CELF4: variants seen among roughly 807,000 people sequenced by gnomAD.
CELF4 encodes CUGBP Elav-like family member 4.
CELF4 carries 18 observed loss-of-function variants against 59.9 expected under a neutral mutation model. That is an observed-to-expected ratio of 0.30 (90% confidence interval 0.21 to 0.45). The LOEUF is 0.45. Ranked by LOEUF, CELF4 falls within the 20% of genes least tolerant of loss-of-function variation. CELF4 has a pLI of 1.00. For synonymous variants in CELF4, 261 were observed against 267.1 expected (o/e 0.98, Z 0.22); for missense variants, 456 against 689.0 (o/e 0.66, Z 3.79).
chr18:37,342,711 C>A (rs542475596), intron 2 of CELF4, among the ~76,000 whole-genome samples: 2 of 152,210 alleles, frequency 1.3e-5, no homozygotes, highest in South Asian at 2.1e-4. Context: ...AACCTCCATG[C>A]CTCCATGTGG....
intron 1 of CELF4, among the ~76,000 whole-genome samples, chr18:37,528,006 C>T (rs2099965731): frequency 6.6e-6 from 1 of 152,186 alleles, no homozygotes; most frequent in Non-Finnish European, 1.5e-5. Context: ...TTGGTAGATA[C>T]TTAAAATCAC....
chr18:37,315,807 A>T (rs2096849172), intron 3 of CELF4, among the ~76,000 whole-genome samples: 1 of 152,144 alleles, frequency 6.6e-6, no homozygotes, highest in Admixed American at 6.5e-5. Flanking sequence ...CCCCTCCTTC[A>T]GGGCCCCTGT....
At chr18:37,295,174 T>C (rs2095567486) in intron 3 of CELF4, among the ~76,000 whole-genome samples, 1 of 152,196 alleles carries the variant, frequency 6.6e-6, no homozygotes, top group Non-Finnish European at 1.5e-5. Flanking sequence ...CTCTCCTGGA[T>C]GCTGGCTTGG....
In CELF4 at chr18:37,270,832, G is replaced by C. The variant is rs775605882; in HGVS notation, c.1035C>G (p.Pro345=). The C allele has an allele frequency of 6.2e-7, 1 of 1,613,938 alleles. No individual in the cohort carries two copies. Among genetic ancestry groups the C allele is most frequent in the Non-Finnish European group, 8.5e-7 (1 of 1,179,976 alleles). Reference sequence around the variant, plus strand: ...CAGCAGGTTGCCCATTGGCCTGTGGGGGGAGGCCGGTGAAGCCATTCACCC... The same window carrying C: ...CAGCAGGTTGCCCATTGGCCTGTGGCGGGAGGCCGGTGAAGCCATTCACCC... ...PIGVNGFTGL[P]PQANGQPAAE... Residue 345 remains proline (P), a synonymous_variant, in exon 8 of 13, where the codon CCC becomes CCG. Transcript: ENST00000420428.
intron 10 of CELF4, among the ~76,000 whole-genome samples, chr18:37,262,981 C>T (rs1309026973): frequency 6.6e-6 from 1 of 152,128 alleles, no homozygotes; most frequent in Non-Finnish European, 1.5e-5. Flanking sequence ...AGCCCTGATG[C>T]CCCTGATCTC....
intron 2 of CELF4, among the ~76,000 whole-genome samples, chr18:37,376,253 T>C (rs1400894473): frequency 6.6e-6 from 1 of 152,120 alleles, no homozygotes; most frequent in Non-Finnish European, 1.5e-5. Context: ...TTGGGCCATC[T>C]ACCTTTCAAG....
rs4494625 is a variant in CELF4, at chr18:37,298,618, C to T, written c.448+23185G>A. ...GGTGGCACACACCTCCCAGCTACTC[C>T]GGAGGCTGAGGCAGGAGAATCGCTT... is the stretch of plus-strand genomic sequence containing the variant. On this transcript the variant is annotated intron_variant, in intron 3 of 12. Coordinates refer to ENST00000420428, the MANE Select transcript of CELF4 (RefSeq NM_020180.4). 4.6e-5 allele frequency among the ~76,000 whole-genome samples: 7 copies of T among 151,696 alleles called. No homozygotes were observed. The East Asian group carries it at 9.8e-4, about 21-fold the overall frequency.
chr18:37,550,086 G>GGT (rs796196821), intron 1 of CELF4, among the ~76,000 whole-genome samples: 3 of 127,488 alleles, frequency 2.4e-5, no homozygotes, highest in South Asian at 3.5e-4. Context: ...CAATGGGTGG[G>GGT]GGGGGGGGAT....
intron 10 of CELF4, among the ~76,000 whole-genome samples, chr18:37,261,096 C>A (rs1324347995): frequency 1.3e-5 from 2 of 152,054 alleles, no homozygotes; most frequent in Non-Finnish European, 2.9e-5. Flanking sequence ...CCTCCAGCCT[C>A]TCCCTGCTCA....
chr18:37,556,122 T>C (rs550301005), intron 1 of CELF4, among the ~76,000 whole-genome samples: 6 of 152,342 alleles, frequency 3.9e-5, no homozygotes, highest in Non-Finnish European at 8.8e-5. Flanking sequence ...CTCCGAGGAC[T>C]TGCGCAAGGA....
rs140915291 is a variant in CELF4 at position 37,420,208 on chromosome 18, A to G, written c.369+65317T>C. ...TCTGATAGCAGGCAGCAGCTGGGAG[A>G]GGCAGTGTGGCCTCATGGTTAGGGT... On this transcript the variant is annotated intron_variant, in intron 2 of 12. Transcript: ENST00000420428. 2.0e-5 allele frequency among the ~76,000 whole-genome samples: 3 copies of G among 152,274 alleles called. No homozygotes were observed. The East Asian group carries it at 5.8e-4, about 29-fold the overall frequency.
At chr18:37,257,101 T>C (rs1297423691) in intron 11 of CELF4, among the ~76,000 whole-genome samples, 1 of 151,614 alleles carries the variant, frequency 6.6e-6, no homozygotes, top group Non-Finnish European at 1.5e-5. Context: ...AAAACTGTAG[T>C]CCTGGCTAAT....
intron 2 of CELF4, among the ~76,000 whole-genome samples, chr18:37,359,374 C>T (rs947057259): frequency 6.6e-6 from 1 of 152,212 alleles, no homozygotes; most frequent in South Asian, 2.1e-4. Context: ...AAGGGTCTCA[C>T]TCTGTCACCC....
intron 1 of CELF4, among the ~76,000 whole-genome samples, chr18:37,489,926 T>G (rs776367850): frequency 5.3e-5 from 8 of 152,076 alleles, no homozygotes; most frequent in Non-Finnish European, 1.0e-4. Context: ...CAAGTCCTGA[T>G]CCTATGATCC....
chr18:37,492,067 A>G (rs1313063321), intron 1 of CELF4, among the ~76,000 whole-genome samples: 1 of 152,164 alleles, frequency 6.6e-6, no homozygotes, highest in Non-Finnish European at 1.5e-5. Context: ...TTGCCTTGCT[A>G]CTAATTGAAT....
chr18:37,335,946 C>T (rs1283004050), intron 2 of CELF4, among the ~76,000 whole-genome samples: 3 of 152,162 alleles, frequency 2.0e-5, no homozygotes, highest in Non-Finnish European at 4.4e-5. Context: ...AGGGGCCCAA[C>T]TCCCTCCCTC....
intron 2 of CELF4, among the ~76,000 whole-genome samples, chr18:37,341,734 T>C (rs2098048148): frequency 1.3e-5 from 2 of 152,036 alleles, no homozygotes; most frequent in South Asian, 4.1e-4. Flanking sequence ...ACCACTTAGG[T>C]TCCTTTTGAC....
chr18:37,464,163 G>A (rs1436832079), intron 2 of CELF4, among the ~76,000 whole-genome samples: 1 of 152,214 alleles, frequency 6.6e-6, no homozygotes, highest in Non-Finnish European at 1.5e-5. Context: ...TTAGTTTCAT[G>A]CATAAACCTC....
At chr18:37,535,480 T>A (rs976421882) in intron 1 of CELF4, among the ~76,000 whole-genome samples, 2 of 152,160 alleles carry the variant, frequency 1.3e-5, no homozygotes, top group African/African-American at 4.8e-5. Flanking sequence ...GAGATCTATA[T>A]GGCAAAATTC....
Sources: gnomAD v4.1 joint callset for allele counts (sites outside exome capture counted in the v4.1 genomes callset) on GRCh38, gnomAD v4.1.1 for gene constraint, MANE v1.5 for transcripts, NCBI Gene and HGNC (gene_info 2026-07-23, HGNC 2026-07-21) for gene names.